The following HDAC9 variants were observed in gnomAD, a reference collection of about 807,000 sequenced individuals.
HDAC9 encodes histone deacetylase 9, also known as MEF-2 interacting transcription repressor (MITR) protein.
In HDAC9, 41 loss-of-function variants were observed where a neutral mutation model predicts 139.4. That is an observed-to-expected ratio of 0.29 (90% CI 0.23 to 0.38). The LOEUF (loss-of-function observed/expected upper bound fraction) is 0.38, where lower values mean the gene tolerates loss of function less well. Among genes scored for constraint, HDAC9 ranks in the 10% least tolerant of loss-of-function variants. HDAC9 has a pLI of 1.00. For synonymous variants in HDAC9, 517 were observed against 476.2 expected (o/e 1.09, Z -1.12); for missense variants, 1,147 against 1,297.0 (o/e 0.88, Z 1.78).
intron 21 of HDAC9, among the ~76,000 whole-genome samples, chr7:18,859,149 A>C (rs1015864764): frequency 6.6e-6 from 1 of 152,154 alleles, no homozygotes; most frequent in Non-Finnish European, 1.5e-5. Flanking sequence ...GGATCAAAGT[A>C]CATAATTTCA....
chr7:18,382,635 T>C (rs186480343), intron 1 of HDAC9, among the ~76,000 whole-genome samples: 1 of 152,304 alleles, frequency 6.6e-6, no homozygotes, highest in Admixed American at 6.5e-5. Context: ...CAGATAGCAG[T>C]CTAATAATTT....
At chr7:18,197,028 A>G (rs557890105) in intron 2 of HDAC9, among the ~76,000 whole-genome samples, 1 of 152,286 alleles carries the variant, frequency 6.6e-6, no homozygotes, top group East Asian at 1.9e-4. Context: ...GGCCTCATGC[A>G]ATTGGTTGAA....
At chr7:18,657,128 A>G (rs1462255226) in intron 11 of HDAC9, among the ~76,000 whole-genome samples, 2 of 152,040 alleles carry the variant, frequency 1.3e-5, no homozygotes, top group African/African-American at 4.8e-5. Flanking sequence ...AAATCAGATT[A>G]TTAGATTTTT....
At chr7:18,976,900 C>T (rs927185914) in intron 25 of HDAC9, among the ~76,000 whole-genome samples, 12 of 152,132 alleles carry the variant, frequency 7.9e-5, no homozygotes, top group South Asian at 4.1e-4. Context: ...CCATTAATTA[C>T]GCAGATCCTG....
Position 18,258,528 on chromosome 7 carries a change from A to G in HDAC9, c.25+96179A>G, listed in dbSNP as rs191137938. 2.6e-5 allele frequency among the ~76,000 whole-genome samples: 4 copies of G among 152,288 alleles called. No homozygotes were observed. In the South Asian group the frequency reaches 6.2e-4, roughly 24 times the overall value. ...TCCCCAGAGTCCATTAGCAGGGGCA[A>G]TTTAGTTGTAAACAAGTTGAGGGAA... is the stretch of plus-strand genomic sequence containing the variant. On this transcript the variant is annotated intron_variant, in intron 2 of 12. Transcript: ENST00000417496.
At chr7:18,097,113 ATTTAGT>A (rs1437682003) in intron 1 of HDAC9, among the ~76,000 whole-genome samples, 1 of 152,164 alleles carries the variant, frequency 6.6e-6, no homozygotes, top group East Asian at 1.9e-4. Context: ...ATTGAGTTTT[ATTTAGT>A]TTTAATGAGT....
At position 18,791,988 on chromosome 7, in the gene HDAC9, G is replaced by A. The variant is rs145791713; in HGVS notation, c.2215-1357G>A. On this transcript the variant is annotated intron_variant, in intron 16 of 25. Transcript: ENST00000686413. ...ACTCAGGTTTTAATGATGAAGCCAT[G>A]ATTTTACCCCACCAGTTTGATTCCA... Among the ~76,000 whole-genome samples, 549 of 152,266 alleles carry A rather than the reference G, an allele frequency of 3.6e-3. 2 individuals carry two copies. Among genetic ancestry groups the A allele is most frequent in the African/African-American group, 0.013 (521 of 41,546 alleles).
intron 1 of HDAC9, among the ~76,000 whole-genome samples, chr7:18,481,055 G>A (rs1240960854): frequency 6.6e-6 from 1 of 152,022 alleles, no homozygotes; most frequent in East Asian, 1.9e-4. Flanking sequence ...CCATCACCCC[G>A]CTTCACTGTC....
At chr7:18,105,906 T>G (rs900455972) in intron 1 of HDAC9, among the ~76,000 whole-genome samples, 1 of 152,124 alleles carries the variant, frequency 6.6e-6, no homozygotes, top group Non-Finnish European at 1.5e-5. Flanking sequence ...CAAAAAGGAA[T>G]GAAGCAGTGA....
At chr7:18,670,248 T>C (rs936244098) in intron 12 of HDAC9, among the ~76,000 whole-genome samples, 8 of 152,064 alleles carry the variant, frequency 5.3e-5, no homozygotes, top group Non-Finnish European at 1.2e-4. Context: ...CCCTTTATTA[T>C]TGATCATTGC....
At chr7:18,168,924 T>TGC (rs1276791380) in intron 2 of HDAC9, among the ~76,000 whole-genome samples, 1 of 136,190 alleles carries the variant, frequency 7.3e-6, no homozygotes, top group African/African-American at 2.9e-5. Flanking sequence ...TGTGTGTGTG[T>TGC]GTGCGCGCAT....
intron 22 of HDAC9, among the ~76,000 whole-genome samples, chr7:18,929,541 G>A (rs964687155): frequency 4.6e-5 from 7 of 151,966 alleles, no homozygotes; most frequent in Non-Finnish European, 8.8e-5. Flanking sequence ...AAACAACCAG[G>A]CTACATGTAG....
intron 21 of HDAC9, among the ~76,000 whole-genome samples, chr7:18,840,328 G>T (rs1268820721): frequency 6.6e-6 from 1 of 151,928 alleles, no homozygotes; most frequent in Non-Finnish European, 1.5e-5. Context: ...TGTTGTTGAT[G>T]CATATTTTCA....
chr7:18,648,110 A>G (rs977244760), intron 10 of HDAC9, 112 bp downstream of exon 10: 2 of 830,290 alleles, frequency 2.4e-6, no homozygotes, highest in Admixed American at 5.6e-5. Context: ...GTGCTATACA[A>G]AAGTTTCCCT....
intron 12 of HDAC9, among the ~76,000 whole-genome samples, chr7:18,724,941 A>C (rs539780102): frequency 3.3e-5 from 5 of 152,252 alleles, no homozygotes; most frequent in African/African-American, 1.2e-4. Context: ...CAGAAGGGGA[A>C]AGCGCAATTA....
intron 25 of HDAC9, among the ~76,000 whole-genome samples, chr7:18,977,250 T>C (rs1784604250): frequency 6.6e-6 from 1 of 152,172 alleles, no homozygotes; most frequent in Non-Finnish European, 1.5e-5. Flanking sequence ...ACCAAGTTCA[T>C]AATCCAAAGG....
chr7:18,306,124 G>A (rs1798891417), intron 1 of HDAC9, among the ~76,000 whole-genome samples: 1 of 152,228 alleles, frequency 6.6e-6, no homozygotes, highest in African/African-American at 2.4e-5. Flanking sequence ...AAGTTGGTGT[G>A]CTAGGTAACT....
chr7:18,861,044 A>G (rs1236194550), intron 21 of HDAC9, among the ~76,000 whole-genome samples: 1 of 152,174 alleles, frequency 6.6e-6, no homozygotes, highest in African/African-American at 2.4e-5. Context: ...ATGAAACCAA[A>G]TACATAACAG....
chr7:18,497,200 C>G (rs1363250424), intron 2 of HDAC9, among the ~76,000 whole-genome samples: 1 of 152,080 alleles, frequency 6.6e-6, no homozygotes, highest in African/African-American at 2.4e-5. Flanking sequence ...CTCTTTGTTT[C>G]TGTCCTCTTC....
Sources: gnomAD v4.1 joint callset for allele counts (sites outside exome capture counted in the v4.1 genomes callset) on GRCh38, gnomAD v4.1.1 for gene constraint, MANE v1.5 for transcripts, NCBI Gene and HGNC (gene_info 2026-07-23, HGNC 2026-07-21) for gene names.